Variants in ANTXR1 observed in about 807,000 individuals in gnomAD.
ANTXR1 encodes the protein ANTXR cell adhesion molecule 1, also known as anthrax toxin receptor 1.
A neutral mutation model predicts 78.1 loss-of-function variants in ANTXR1; 19 were observed. The observed-to-expected ratio is 0.24, with a 90% CI of 0.17 to 0.36. ANTXR1 has a LOEUF of 0.36. ANTXR1 is among the 10% of genes least tolerant of loss of function. The pLI is 1.00. For missense variants in ANTXR1, 518 were observed against 718.6 expected, an observed-to-expected ratio of 0.72 and a Z score of 3.19; for synonymous variants, 273 against 260.5, an observed-to-expected ratio of 1.05 and a Z score of -0.46.
At chr2:69,153,915 G>A (rs1315205885) in intron 13 of ANTXR1, among the ~76,000 whole-genome samples, 1 of 152,124 alleles carries the variant, frequency 6.6e-6, no homozygotes, top group Non-Finnish European at 1.5e-5. Context: ...TTCCTCATTG[G>A]TATAATGAGG....
rs189489201 is a variant in ANTXR1, at chr2:69,154,151, G to A, written c.1047+1887G>A. 6.6e-4 allele frequency among the ~76,000 whole-genome samples: 100 copies of A among 152,252 alleles called. 1 individual carries two copies. Among genetic ancestry groups the A allele is most frequent in the Admixed American group, 1.4e-3 (21 of 15,304 alleles). Reference sequence around the variant, plus strand: ...TGTTATTGGAAGCAATGTCACCCAAGGCCAAATTGAGTTTTGCAATATTCA... The same window carrying A: ...TGTTATTGGAAGCAATGTCACCCAAAGCCAAATTGAGTTTTGCAATATTCA... On this transcript the variant is annotated intron_variant, in intron 13 of 17. Coordinates refer to ENST00000303714, the MANE Select transcript of ANTXR1 (RefSeq NM_032208.3).
intron 17 of ANTXR1, among the ~76,000 whole-genome samples, chr2:69,235,090 C>T (rs556864864): frequency 4.9e-4 from 62 of 126,238 alleles, no homozygotes; most frequent in Non-Finnish European, 7.7e-4. Flanking sequence ...ATGGCACAAT[C>T]TTGGCTCACC....
intron 15 of ANTXR1, 29 bp from the exon 16 acceptor site, chr2:69,182,459 GTCATT>G (rs1395863681): frequency 6.2e-7 from 1 of 1,611,948 alleles, no homozygotes; most frequent in Admixed American, 1.7e-5. Flanking sequence ...AGCATATTTT[GTCATT>G]TCATTTCATT....
At chr2:69,117,361 TCA>T (rs1371817495) in intron 10 of ANTXR1, among the ~76,000 whole-genome samples, 3 of 152,234 alleles carry the variant, frequency 2.0e-5, no homozygotes, top group African/African-American at 7.2e-5. Context: ...CTTCTGACTC[TCA>T]GTTTCTCAAA....
intron 12 of ANTXR1, among the ~76,000 whole-genome samples, chr2:69,142,518 C>T (rs543117192): frequency 1.0e-3 from 152 of 152,244 alleles, no homozygotes; most frequent in African/African-American, 3.5e-3. Context: ...ATGCAGAGTT[C>T]AGTGGTGGTA....
At chr2:69,075,080 A>G (rs1670688011) in intron 6 of ANTXR1, among the ~76,000 whole-genome samples, 1 of 152,154 alleles carries the variant, frequency 6.6e-6, no homozygotes, top group Non-Finnish European at 1.5e-5. Context: ...TTCACAAAAT[A>G]TGCTGACGTT....
At chr2:69,154,175 CA>C (rs1187563811) in intron 13 of ANTXR1, among the ~76,000 whole-genome samples, 2 of 152,150 alleles carry the variant, frequency 1.3e-5, no homozygotes, top group East Asian at 3.8e-4. Context: ...TTGCAATATT[CA>C]AAATATTTTT....
chr2:69,087,107 G>A (rs1051650190), intron 8 of ANTXR1, among the ~76,000 whole-genome samples: 6 of 152,182 alleles, frequency 3.9e-5, no homozygotes, highest in Non-Finnish European at 8.8e-5. Context: ...AGATTTGGAG[G>A]TTTAATAACT....
chr2:69,116,340 T>A (rs192422816), intron 10 of ANTXR1, among the ~76,000 whole-genome samples: 15 of 152,346 alleles, frequency 9.8e-5, no homozygotes, highest in African/African-American at 3.6e-4. Context: ...GCCCGGATTC[T>A]TTGAATTTCA....
intron 10 of ANTXR1, among the ~76,000 whole-genome samples, chr2:69,115,908 T>C (rs1376253177): frequency 6.6e-6 from 1 of 152,222 alleles, no homozygotes; most frequent in Non-Finnish European, 1.5e-5. Flanking sequence ...GGCATCCCTC[T>C]GGCTTTAGCC....
chr2:69,054,399 G>A (rs1317049801), intron 3 of ANTXR1, among the ~76,000 whole-genome samples: 3 of 152,168 alleles, frequency 2.0e-5, no homozygotes, highest in Admixed American at 6.5e-5. Context: ...ACAGTTCCCC[G>A]AGGCAGCCTA....
At chr2:69,221,984 C>T (rs549339377) in intron 17 of ANTXR1, among the ~76,000 whole-genome samples, 5 of 152,222 alleles carry the variant, frequency 3.3e-5, no homozygotes, top group East Asian at 3.9e-4. Context: ...TAGCGGGTTT[C>T]GGAAAAATGT....
Position 69,247,840 on chromosome 2 carries a change from C to T in ANTXR1, c.*2355C>T, listed in dbSNP as rs1406886003. ...ATGGTGAGCATCAGTGCAAATGCAC[C>T]ATTCAGCACATCAGTCATATGCCCA... is the stretch of plus-strand genomic sequence containing the variant. On this transcript the variant is annotated 3_prime_UTR_variant, in exon 18 of 18. Coordinates refer to ENST00000303714, the MANE Select transcript of ANTXR1 (RefSeq NM_032208.3). 1 of 152,272 alleles carries T rather than the reference C, an allele frequency of 6.6e-6. No homozygotes were observed. The highest frequency in any genetic ancestry group is 1.5e-5 in the Non-Finnish European group (1 of 68,046). The allele number at this position is 152,272 out of a possible 1,614,324, so 9.4% of individuals were successfully genotyped here. A position where few individuals can be genotyped will look rare whatever the true frequency, so the allele number is the denominator to read the frequency against.
chr2:69,064,280 G>T (rs1461812365), intron 3 of ANTXR1, among the ~76,000 whole-genome samples: 1 of 152,174 alleles, frequency 6.6e-6, no homozygotes, highest in Non-Finnish European at 1.5e-5. Flanking sequence ...TTCAGCTGGG[G>T]ATTAGGCTCA....
intron 9 of ANTXR1, among the ~76,000 whole-genome samples, chr2:69,091,138 C>T (rs1211550150): frequency 6.8e-6 from 1 of 147,028 alleles, no homozygotes; most frequent in Non-Finnish European, 1.5e-5. Flanking sequence ...AAAAAAAAAT[C>T]TGTCCAAATT....
intron 8 of ANTXR1, among the ~76,000 whole-genome samples, chr2:69,086,823 T>C (rs1262570819): frequency 6.6e-6 from 1 of 152,232 alleles, no homozygotes; most frequent in African/African-American, 2.4e-5. Context: ...CTTATTTTCA[T>C]AAGGTGCTCA....
chr2:69,110,588 G>A (rs778825999), intron 10 of ANTXR1, among the ~76,000 whole-genome samples: 43 of 152,086 alleles, frequency 2.8e-4, no homozygotes, highest in African/African-American at 9.7e-4. Flanking sequence ...GCCGGGCGCG[G>A]TGGCTCACGC....
intron 17 of ANTXR1, among the ~76,000 whole-genome samples, chr2:69,216,945 A>T (rs1675193478): frequency 6.6e-6 from 1 of 152,188 alleles, no homozygotes; most frequent in Non-Finnish European, 1.5e-5. Flanking sequence ...GAGCCATCTC[A>T]ATTGCAGTTA....
intron 12 of ANTXR1, among the ~76,000 whole-genome samples, chr2:69,137,833 C>T (rs1026935590): frequency 6.7e-6 from 1 of 150,044 alleles, no homozygotes; most frequent in African/African-American, 2.4e-5. Flanking sequence ...CCTATAATCC[C>T]AGCACTTTGG....
Sources: allele counts gnomAD v4.1 joint callset (sites outside exome capture counted in the v4.1 genomes callset), GRCh38; gene constraint gnomAD v4.1.1; transcripts MANE v1.5; gene names NCBI Gene and HGNC (gene_info 2026-07-23, HGNC 2026-07-21).